Variants in AGBL4 observed in about 807,000 individuals in gnomAD.
The protein encoded by AGBL4 is AGBL carboxypeptidase 4.
A neutral mutation model predicts 66.4 loss-of-function variants in AGBL4; 58 were observed. The observed-to-expected ratio is 0.87, with a 90% CI of 0.71 to 1.09. The LOEUF (loss-of-function observed/expected upper bound fraction) is 1.09, where lower values mean the gene tolerates loss of function less well. AGBL4 is among the 50% of genes least tolerant of loss of function. The pLI is 0.00. For synonymous variants in AGBL4, 234 were observed against 222.9 expected, an observed-to-expected ratio of 1.05 and a Z score of -0.44; for missense variants, 579 against 631.0, an observed-to-expected ratio of 0.92 and a Z score of 0.88.
chr1:49,435,517 T>A (rs906359583), intron 3 of AGBL4, among the ~76,000 whole-genome samples: 1 of 152,194 alleles, frequency 6.6e-6, no homozygotes, highest in Admixed American at 6.5e-5. Flanking sequence ...AGTACTTTGT[T>A]GGTCAGAGAA....
intron 5 of AGBL4, among the ~76,000 whole-genome samples, chr1:48,918,933 C>G (rs1653851509): frequency 6.6e-6 from 1 of 152,106 alleles, no homozygotes; most frequent in Non-Finnish European, 1.5e-5. Flanking sequence ...CCCCAAGTCC[C>G]CTTCTCTGAA....
intron 3 of AGBL4, among the ~76,000 whole-genome samples, chr1:49,549,271 A>G (rs1252811306): frequency 6.9e-6 from 1 of 145,764 alleles, no homozygotes; most frequent in Non-Finnish European, 1.5e-5. Flanking sequence ...TTTTTTTTCA[A>G]TTTCATTTAG....
intron 2 of AGBL4, chr1:49,845,303 G>T: frequency 1.9e-6 from 3 of 1,554,824 alleles, no homozygotes; most frequent in South Asian, 1.1e-5. Flanking sequence ...CAGCACCAGA[G>T]AACTCACACA....
intron 3 of AGBL4, among the ~76,000 whole-genome samples, chr1:49,369,580 T>C (rs1244622308): frequency 2.6e-5 from 4 of 152,092 alleles, no homozygotes; most frequent in Non-Finnish European, 5.9e-5. Context: ...TCAAGTGGAT[T>C]TGGGGGATCC....
At chr1:49,370,135 A>G (rs1278845040) in intron 3 of AGBL4, among the ~76,000 whole-genome samples, 1 of 119,568 alleles carries the variant, frequency 8.4e-6, no homozygotes, top group Non-Finnish European at 1.9e-5. Flanking sequence ...TATATTATAA[A>G]TTATAATAAT....
intron 5 of AGBL4, among the ~76,000 whole-genome samples, chr1:48,954,576 AG>A (rs745313412): frequency 4.8e-4 from 73 of 152,348 alleles, no homozygotes; most frequent in Admixed American, 1.2e-3. Context: ...GCTAAATAAA[AG>A]CATGAGGTTA....
intron 3 of AGBL4, among the ~76,000 whole-genome samples, chr1:49,658,836 C>T (rs1292408101): frequency 1.4e-5 from 2 of 147,676 alleles, no homozygotes; most frequent in Non-Finnish European, 3.0e-5. Flanking sequence ...GGAAGGGGAA[C>T]ATCACACACC....
At position 49,853,563 on chromosome 1, in the gene AGBL4, T is replaced by C. The variant is rs549429673; in HGVS notation, c.35-2045A>G. On this transcript the variant is annotated intron_variant, in intron 1 of 13. Coordinates refer to ENST00000371839, the MANE Select transcript of AGBL4 (RefSeq NM_032785.4). ...ATTCCCAAGGATATGAGAGTAAGAA[T>C]GAAGCAGAAAGATACCTGAAGATAT... Among the ~76,000 whole-genome samples the C allele has an allele frequency of 2.0e-5, 3 of 152,118 alleles. No individual in the cohort carries two copies. The East Asian group carries it at 5.8e-4, about 29-fold the overall frequency.
chr1:49,228,584 G>A (rs1370668962), intron 4 of AGBL4, among the ~76,000 whole-genome samples: 1 of 152,190 alleles, frequency 6.6e-6, no homozygotes, highest in East Asian at 1.9e-4. Flanking sequence ...AGGCAGGATT[G>A]TGTCTGGCAT....
intron 3 of AGBL4, among the ~76,000 whole-genome samples, chr1:49,382,473 G>GA (rs755215792): frequency 5.3e-5 from 8 of 150,330 alleles, no homozygotes; most frequent in East Asian, 1.9e-4. Flanking sequence ...CTTTCATGAT[G>GA]AAAAAAAAAG....
intron 3 of AGBL4, among the ~76,000 whole-genome samples, chr1:49,339,258 C>T (rs1645492444): frequency 6.6e-6 from 1 of 152,160 alleles, no homozygotes; most frequent in South Asian, 2.1e-4. Flanking sequence ...AACTGCAGAA[C>T]ATTAAATTTC....
intron 3 of AGBL4, among the ~76,000 whole-genome samples, chr1:49,685,362 T>A (rs2124574541): frequency 6.6e-6 from 1 of 152,326 alleles, no homozygotes; most frequent in Admixed American, 6.5e-5. Context: ...GGAATGAACA[T>A]ATGTGTGCAT....
intron 2 of AGBL4, among the ~76,000 whole-genome samples, chr1:49,825,594 T>G (rs2148002314): frequency 6.6e-6 from 1 of 152,314 alleles, no homozygotes; most frequent in Non-Finnish European, 1.5e-5. Context: ...TTGGATGAGA[T>G]TAACATTTAA....
At chr1:49,948,989 T>G (rs1479824379) in intron 1 of AGBL4, among the ~76,000 whole-genome samples, 1 of 151,650 alleles carries the variant, frequency 6.6e-6, no homozygotes, top group Non-Finnish European at 1.5e-5. Flanking sequence ...AGTACTGGTA[T>G]AAAAATAGGC....
At chr1:48,834,202 G>A (rs1419372429) in intron 6 of AGBL4, among the ~76,000 whole-genome samples, 1 of 152,104 alleles carries the variant, frequency 6.6e-6, no homozygotes, top group African/African-American at 2.4e-5. Context: ...CTTCATAGAT[G>A]GAGATGAATT....
intron 3 of AGBL4, among the ~76,000 whole-genome samples, chr1:49,674,226 G>A (rs1646536443): frequency 6.6e-6 from 1 of 152,008 alleles, no homozygotes; most frequent in South Asian, 2.1e-4. Context: ...GTCCTGAGAT[G>A]TCTTCTCATC....
At chr1:49,699,334 A>G (rs539056129) in intron 2 of AGBL4, among the ~76,000 whole-genome samples, 23 of 152,018 alleles carry the variant, frequency 1.5e-4, no homozygotes, top group Non-Finnish European at 3.2e-4. Flanking sequence ...GTGTGTGTAC[A>G]TAAAAAATAC....
intron 3 of AGBL4, among the ~76,000 whole-genome samples, chr1:49,591,941 G>C (rs1013363055): frequency 1.3e-5 from 2 of 152,076 alleles, no homozygotes; most frequent in African/African-American, 4.8e-5. Context: ...ATCAACTCAA[G>C]ATGGATTAAA....
At chr1:48,974,794 G>T (rs185108395) in intron 5 of AGBL4, among the ~76,000 whole-genome samples, 1 of 152,152 alleles carries the variant, frequency 6.6e-6, no homozygotes, top group East Asian at 1.9e-4. Flanking sequence ...CCTATTTCTG[G>T]CACCTTGTAT....
Sources: allele counts gnomAD v4.1 joint callset (sites outside exome capture counted in the v4.1 genomes callset), GRCh38; gene constraint gnomAD v4.1.1; transcripts MANE v1.5; gene names NCBI Gene and HGNC (gene_info 2026-07-23, HGNC 2026-07-21).